PSMA1: variants seen among roughly 807,000 people sequenced by gnomAD.
The protein encoded by PSMA1 is proteasome subunit alpha type-1.
In PSMA1, 3 loss-of-function variants were observed where a neutral mutation model predicts 38.4. The observed-to-expected ratio is 0.08, with a 90% CI of 0.04 to 0.20. The LOEUF is 0.20. Ranked by LOEUF, PSMA1 falls within the 10% of genes least tolerant of loss-of-function variation. The pLI, the probability that PSMA1 is intolerant of heterozygous loss-of-function variation, is 1.00. For synonymous variants in PSMA1, 101 were observed against 107.1 expected (o/e 0.94, Z 0.35); for missense variants, 227 against 325.3 (o/e 0.70, Z 2.32).
intron 2 of PSMA1, among the ~76,000 whole-genome samples, chr11:14,602,578 G>A (rs1005310787): frequency 6.6e-6 from 1 of 151,614 alleles, no homozygotes; most frequent in African/African-American, 2.4e-5. Context: ...ACCTTTTTTT[G>A]ATGGGAGGAG....
At position 14,584,517 on chromosome 11, in the gene PSMA1, T is replaced by G. The variant is rs546715927; in HGVS notation, c.21+26449A>C. The stretch of plus-strand genomic sequence containing the variant: ...TTTTTTTTGTTTTTTGTTTTTTTTT[T>G]TTTTTTTTTTAAAGACTGTCCCAAC... On this transcript the variant is annotated intron_variant, in intron 2 of 10. Coordinates refer to the PSMA1 transcript ENST00000418988. 6.0e-4 allele frequency among the ~76,000 whole-genome samples: 91 copies of G among 151,064 alleles called. No homozygotes were observed. The East Asian group carries it at 9.3e-3, about 15-fold the overall frequency.
chr11:14,554,363 TATC>T (rs747585801), intron 2 of PSMA1, among the ~76,000 whole-genome samples: 1 of 152,186 alleles, frequency 6.6e-6, no homozygotes, highest in Non-Finnish European at 1.5e-5. Context: ...CATTTCTGGG[TATC>T]ATGTTGAGGA....
intron 2 of PSMA1, among the ~76,000 whole-genome samples, chr11:14,566,102 A>G (rs926360945): frequency 6.6e-6 from 1 of 152,264 alleles, no homozygotes; most frequent in African/African-American, 2.4e-5. Context: ...GGAAAGTGGT[A>G]AAGATGGAGT....
At chr11:14,635,596 GTTGT>G (rs1358105054) in intron 1 of PSMA1, among the ~76,000 whole-genome samples, 2 of 152,152 alleles carry the variant, frequency 1.3e-5, no homozygotes, top group Admixed American at 6.5e-5. Context: ...AGTAGATCTA[GTTGT>G]TTGTTTATTA....
chr11:14,513,101 T>C (rs370319679), intron 7 of PSMA1, among the ~76,000 whole-genome samples: 40 of 152,358 alleles, frequency 2.6e-4, no homozygotes, highest in African/African-American at 8.7e-4. Flanking sequence ...CTTGAAAACC[T>C]GTCCTGTCAT....
chr11:14,576,960 C>G (rs1216805976), intron 2 of PSMA1, among the ~76,000 whole-genome samples: 2 of 152,134 alleles, frequency 1.3e-5, no homozygotes, highest in Non-Finnish European at 2.9e-5. Context: ...TTTCGTTGAG[C>G]AGTGTTTTGT....
At chr11:14,513,776 A>T (rs1212499544) in intron 6 of PSMA1, 41 bp downstream of exon 6, 3 of 1,539,590 alleles carry the variant, frequency 1.9e-6, no homozygotes, top group Non-Finnish European at 2.6e-6. Flanking sequence ...CTAGTTAATT[A>T]AAAAAAATCA....
chr11:14,512,144 T>C (rs961288633), intron 7 of PSMA1, among the ~76,000 whole-genome samples: 3 of 152,164 alleles, frequency 2.0e-5, no homozygotes, highest in African/African-American at 7.2e-5. Context: ...GGAGGCCCAG[T>C]TGGGCGGATC....
chr11:14,610,784 T>C (rs1156381307), intron 2 of PSMA1: 3 of 596,334 alleles, frequency 5.0e-6, no homozygotes, highest in East Asian at 5.8e-5. Flanking sequence ...TTTGCTGGAT[T>C]TGAGCATCTT....
chr11:14,552,509 C>T (rs1018241096), intron 2 of PSMA1, among the ~76,000 whole-genome samples: 1 of 152,128 alleles, frequency 6.6e-6, no homozygotes, highest in Non-Finnish European at 1.5e-5. Context: ...AATATGAATT[C>T]ATGCTAGGAA....
intron 2 of PSMA1, among the ~76,000 whole-genome samples, chr11:14,563,226 A>AATGAG (rs1852030328): frequency 6.6e-6 from 1 of 152,226 alleles, no homozygotes; most frequent in Admixed American, 6.5e-5. Context: ...CACTTGAGGA[A>AATGAG]ATGAGAAATT....
At chr11:14,565,254 T>G (rs1417844122) in intron 2 of PSMA1, among the ~76,000 whole-genome samples, 1 of 152,114 alleles carries the variant, frequency 6.6e-6, no homozygotes, top group African/African-American at 2.4e-5. Flanking sequence ...ATTTCATTCC[T>G]GATATTAGAA....
chr11:14,553,721 C>T (rs1851913486), intron 2 of PSMA1, among the ~76,000 whole-genome samples: 2 of 152,104 alleles, frequency 1.3e-5, no homozygotes, highest in Non-Finnish European at 2.9e-5. Flanking sequence ...GCCATTCACC[C>T]ATTGAAGGAC....
chr11:14,532,875 G>A (rs1182394962), intron 2 of PSMA1, among the ~76,000 whole-genome samples: 2 of 151,120 alleles, frequency 1.3e-5, no homozygotes, highest in African/African-American at 4.9e-5. Flanking sequence ...CTGGGTGACA[G>A]AGCAAGACTC....
chr11:14,507,208 G>C (rs758948720), intron 9 of PSMA1, among the ~76,000 whole-genome samples: 21 of 149,788 alleles, frequency 1.4e-4, no homozygotes, highest in Non-Finnish European at 2.5e-4. Context: ...TCTCTCTGTC[G>C]CCCAGGCTGG....
intron 1 of PSMA1, among the ~76,000 whole-genome samples, chr11:14,633,147 A>G (rs1475370877): frequency 2.7e-5 from 4 of 149,744 alleles, no homozygotes; most frequent in African/African-American, 2.5e-5. Context: ...CGTCAAAGTC[A>G]TTCTCCATCC....
intron 2 of PSMA1, among the ~76,000 whole-genome samples, chr11:14,606,125 T>G (rs990796157): frequency 6.6e-5 from 10 of 152,280 alleles, no homozygotes; most frequent in Non-Finnish European, 1.5e-4. Context: ...CACAATTTAT[T>G]GAATAGAGAG....
intron 2 of PSMA1, among the ~76,000 whole-genome samples, chr11:14,577,017 T>C (rs1178772607): frequency 6.6e-6 from 1 of 152,238 alleles, no homozygotes; most frequent in African/African-American, 2.4e-5. Flanking sequence ...GTTGGATTCC[T>C]AGGTATTTTA....
intron 2 of PSMA1, among the ~76,000 whole-genome samples, chr11:14,560,660 C>T (rs535044539): frequency 1.3e-5 from 2 of 152,340 alleles, no homozygotes; most frequent in Admixed American, 1.3e-4. Context: ...GCCACTCCTA[C>T]TTCTTACTTT....
Sources: gnomAD v4.1 joint callset for allele counts (sites outside exome capture counted in the v4.1 genomes callset) on GRCh38, gnomAD v4.1.1 for gene constraint, MANE v1.5 for transcripts, NCBI Gene and HGNC (gene_info 2026-07-23, HGNC 2026-07-21) for gene names.